OSBP2: variants seen among roughly 807,000 people sequenced by gnomAD.
OSBP2 encodes the protein oxysterol binding protein 2.
In OSBP2, 66 loss-of-function variants were observed where a neutral mutation model predicts 96.0. That is an observed-to-expected ratio of 0.69 (90% CI 0.56 to 0.84). The LOEUF is 0.84. Among genes scored for constraint, OSBP2 ranks in the 40% least tolerant of loss-of-function variants. OSBP2 has a pLI of 0.00. For missense variants in OSBP2, 1,038 were observed against 1,222.7 expected (o/e 0.85, Z 2.25); for synonymous variants, 525 against 520.9 (o/e 1.01, Z -0.11).
intron 2 of OSBP2, among the ~76,000 whole-genome samples, chr22:30,808,656 A>T (rs994099955): frequency 6.6e-6 from 1 of 152,186 alleles, no homozygotes; most frequent in African/African-American, 2.4e-5. Context: ...TTATGAGAAG[A>T]GAGAAGTGTG....
At chr22:30,702,608 G>A (rs771625656) in intron 1 of OSBP2, among the ~76,000 whole-genome samples, 6 of 151,780 alleles carry the variant, frequency 4.0e-5, no homozygotes, top group East Asian at 1.9e-4. Context: ...AGTGAGACTC[G>A]GTCTCAAAAA....
chr22:30,847,366 C>T (rs1276376840), intron 2 of OSBP2, among the ~76,000 whole-genome samples: 1 of 152,110 alleles, frequency 6.6e-6, no homozygotes, highest in African/African-American at 2.4e-5. Flanking sequence ...ACTGGAACAT[C>T]CACCTCCCAG....
At chr22:30,840,492 A>G (rs1359857111) in intron 2 of OSBP2, among the ~76,000 whole-genome samples, 2 of 152,068 alleles carry the variant, frequency 1.3e-5, no homozygotes, top group Non-Finnish European at 2.9e-5. Flanking sequence ...CATTAAAGAG[A>G]TGGGAGGGAG....
chr22:30,903,941 C>T (rs2040271774), intron 12 of OSBP2, among the ~76,000 whole-genome samples: 1 of 152,232 alleles, frequency 6.6e-6, no homozygotes, highest in Non-Finnish European at 1.5e-5. Context: ...TCGTATAGGA[C>T]TGTAGCTGTC....
rs1602391588 is a variant in OSBP2, at chr22:30,871,779, C to T, written c.1107+1097C>T. Among the ~76,000 whole-genome samples the T allele has an allele frequency of 5.3e-5, 8 of 152,210 alleles. No homozygotes were observed. Among genetic ancestry groups the T allele is most frequent in the Admixed American group, 4.6e-4 (7 of 15,282 alleles). On this transcript the variant is annotated intron_variant, in intron 3 of 13. Transcript: ENST00000332585. The surrounding 1 kb of genome is among the most constrained non-coding windows in gnomAD (Gnocchi z 4.7). ...TGGGAAGATAGAGGCTGGAGCTCAC[C>T]GCAGGCCAAGAGCCCAGGCTAAAAC...
At chr22:30,811,995 A>G (rs1467948923) in intron 2 of OSBP2, among the ~76,000 whole-genome samples, 1 of 151,590 alleles carries the variant, frequency 6.6e-6, no homozygotes. Context: ...ACCTAGAACT[A>G]CAGGTACACG....
In OSBP2 at chr22:30,735,591, G is replaced by A. The variant is rs957873688; in HGVS notation, c.645-5570G>A. Among the ~76,000 whole-genome samples, 6 of 151,312 alleles carry A rather than the reference G, an allele frequency of 4.0e-5. No individual in the cohort carries two copies. The South Asian group carries it at 6.3e-4, about 16-fold the overall frequency. ...CTCCCAAAGTGCTGGAATTACAGGC[G>A]TGAGCCACTGCTCCCCAGCCTATCC... On this transcript the variant is annotated intron_variant, in intron 1 of 13. Coordinates refer to ENST00000332585, the MANE Select transcript of OSBP2 (RefSeq NM_030758.4).
At chr22:30,822,808 C>T (rs1356695320) in intron 2 of OSBP2, 1 of 1,024,708 alleles carries the variant, frequency 9.8e-7, no homozygotes, top group African/African-American at 1.7e-5. Flanking sequence ...ACGGGAGCCT[C>T]TGATGTCACT....
In OSBP2 at chr22:30,906,379, G is replaced by C. The variant is rs1427086100; in HGVS notation, c.*40G>C. 3 of 1,548,192 alleles carry C rather than the reference G, an allele frequency of 1.9e-6. No individual in the cohort carries two copies. Among genetic ancestry groups the C allele is most frequent in the Non-Finnish European group, 2.6e-6 (3 of 1,147,810 alleles). Reference sequence around the variant, plus strand: ...ACAAATACAGGCGCCTGCACAGCCTGGCCCACCTGTTCATTAATGCACTCA... The same window carrying C: ...ACAAATACAGGCGCCTGCACAGCCTCGCCCACCTGTTCATTAATGCACTCA... On this transcript the variant is annotated 3_prime_UTR_variant, in exon 14 of 14. Transcript: ENST00000332585.
rs2089700925 is a variant in OSBP2 at position 30,729,027 on chromosome 22, TGC to T, written c.645-12133_645-12132del. The stretch of plus-strand genomic sequence containing the variant: ...ATGCCGAAATCCACAGGAGTAAAAT[TGC>T]TTAATCATGAGACACATATGCATTC... On this transcript the variant is annotated intron_variant, in intron 1 of 13. Coordinates refer to ENST00000332585, the MANE Select transcript of OSBP2 (RefSeq NM_030758.4). Among the ~76,000 whole-genome samples the T allele has an allele frequency of 2.0e-5, 3 of 152,306 alleles. No individual in the cohort carries two copies. In the South Asian group the frequency reaches 6.2e-4, roughly 32 times the overall value.
intron 3 of OSBP2, among the ~76,000 whole-genome samples, chr22:30,878,369 G>A (rs1602403666): frequency 6.6e-6 from 1 of 152,384 alleles, no homozygotes; most frequent in East Asian, 1.9e-4. Context: ...TGGCGCCCGT[G>A]AGAGTGGGCA....
intron 2 of OSBP2, among the ~76,000 whole-genome samples, chr22:30,781,098 C>G (rs2090512977): frequency 6.6e-6 from 1 of 151,810 alleles, no homozygotes; most frequent in African/African-American, 2.4e-5. Context: ...GTCTCAGCCT[C>G]CCAAGTAGCT....
Position 30,717,086 on chromosome 22 carries a change from G to GTTTTTTTTT in OSBP2, c.644+21538_644+21539insTTTTTTTTT, listed in dbSNP as rs144392805. Among the ~76,000 whole-genome samples the GTTTTTTTTT allele has an allele frequency of 1.5e-3, 149 of 96,538 alleles. 6 individuals are homozygous for GTTTTTTTTT. Among genetic ancestry groups the GTTTTTTTTT allele is most frequent in the African/African-American group, 5.7e-3 (136 of 24,014 alleles). The allele number at this position is 96,538 out of a possible 152,430, so 63.3% of individuals were successfully genotyped here. A position where few individuals can be genotyped will look rare whatever the true frequency, so the allele number is the denominator to read the frequency against. ...AAATCTATTTTGTTTTAATTTTACT[G>GTTTTTTTTT]TTTTTGTGTGTGTGTGTGTGTGTGT... On this transcript the variant is annotated intron_variant, in intron 1 of 13. Transcript: ENST00000332585.
intron 1 of OSBP2, among the ~76,000 whole-genome samples, chr22:30,703,623 C>T (rs1479609841): frequency 1.3e-5 from 2 of 151,934 alleles, no homozygotes; most frequent in African/African-American, 4.8e-5. Flanking sequence ...GTACAGTCAC[C>T]TGCCACCATG....
intron 2 of OSBP2, among the ~76,000 whole-genome samples, chr22:30,853,315 A>AGTTT (rs1168530213): frequency 5.9e-5 from 9 of 152,130 alleles, no homozygotes; most frequent in Admixed American, 5.9e-4. Flanking sequence ...CACATCCAGG[A>AGTTT]GTTTGTGTTA....
chr22:30,800,650 C>T (rs904928324), intron 2 of OSBP2, among the ~76,000 whole-genome samples: 5 of 151,994 alleles, frequency 3.3e-5, no homozygotes, highest in Admixed American at 2.0e-4. Context: ...AGAGTAGGGC[C>T]GGAGCCGTGG....
intron 2 of OSBP2, among the ~76,000 whole-genome samples, chr22:30,812,451 C>A (rs946059172): frequency 2.0e-5 from 3 of 152,216 alleles, no homozygotes. Context: ...TAGGCTTGAG[C>A]CATCACGCCT....
chr22:30,699,573 G>A (rs371785616), intron 1 of OSBP2, among the ~76,000 whole-genome samples: 1 of 152,158 alleles, frequency 6.6e-6, no homozygotes, highest in Non-Finnish European at 1.5e-5. Flanking sequence ...ACTTGGTATT[G>A]TCAGTGTTGA....
intron 9 of OSBP2, 79 bp from the exon 10 acceptor site, chr22:30,893,384 C>G (rs573107909): frequency 3.2e-6 from 5 of 1,539,380 alleles, no homozygotes; most frequent in Non-Finnish European, 3.6e-6. Context: ...GCCTAGTTCT[C>G]AAGACACCAG....
Sources: gnomAD v4.1 joint callset for allele counts (sites outside exome capture counted in the v4.1 genomes callset) on GRCh38, gnomAD v4.1.1 for gene constraint, Gnocchi (gnomAD v3.1) non-coding constraint, MANE v1.5 for transcripts, NCBI Gene and HGNC (gene_info 2026-07-23, HGNC 2026-07-21) for gene names.